The following KCNIP1 variants were observed in gnomAD, a reference collection of about 807,000 sequenced individuals.
The protein encoded by KCNIP1 is potassium voltage-gated channel interacting protein 1.
KCNIP1 carries 18 observed loss-of-function variants against 33.0 expected under a neutral mutation model. The observed-to-expected ratio is 0.55, with a 90% CI of 0.38 to 0.81. The LOEUF (loss-of-function observed/expected upper bound fraction) is 0.81. KCNIP1 is among the 30% of genes least tolerant of loss of function. KCNIP1 has a pLI of 0.00. For synonymous variants in KCNIP1, 93 were observed against 98.3 expected (o/e 0.95, Z 0.32); for missense variants, 238 against 271.6 (o/e 0.88, Z 0.87).
chr5:170,583,904 T>A (rs1210963264), intron 1 of KCNIP1, among the ~76,000 whole-genome samples: 2 of 152,230 alleles, frequency 1.3e-5, no homozygotes, highest in Non-Finnish European at 2.9e-5. Context: ...CATGTGATAC[T>A]TTGATACCAG....
chr5:170,455,190 A>G (rs1370126748), intron 1 of KCNIP1, among the ~76,000 whole-genome samples: 2 of 152,242 alleles, frequency 1.3e-5, no homozygotes, highest in Non-Finnish European at 1.5e-5. Context: ...AGAAAATAGA[A>G]TATTTTAACA....
intron 5 of KCNIP1, among the ~76,000 whole-genome samples, chr5:170,730,018 G>T (rs1764140919): frequency 6.6e-6 from 1 of 152,048 alleles, no homozygotes; most frequent in African/African-American, 2.4e-5. Flanking sequence ...TAATGGAATA[G>T]CCAGTGGCCA....
chr5:170,423,286 T>G (rs1232097865), intron 1 of KCNIP1, among the ~76,000 whole-genome samples: 36 of 78,408 alleles, frequency 4.6e-4, no homozygotes, highest in Non-Finnish European at 2.5e-5. Flanking sequence ...TTTTCTTTCT[T>G]GTTTTTTTTT....
rs61705618 is a variant in KCNIP1 at position 170,461,749 on chromosome 5, CAA to C, written c.88+107797_88+107798del. 2.5e-3 allele frequency among the ~76,000 whole-genome samples: 349 copies of C among 141,992 alleles called. 1 individual carries two copies. Among genetic ancestry groups the C allele is most frequent in the African/African-American group, 3.9e-3 (152 of 38,500 alleles). 93.2% of individuals were successfully genotyped at this position (141,992 alleles called of 152,430 possible). A position where few individuals can be genotyped will look rare whatever the true frequency, so the allele number is the denominator to read the frequency against. ...CGGGCGACAAAACGAGACTCCATCT[CAA>C]AAAAAAAAAAAGGCAAATAGACCAA... On this transcript the variant is annotated intron_variant, in intron 1 of 7. Coordinates refer to the KCNIP1 transcript ENST00000377360.
At chr5:170,604,820 C>A (rs561430407) in intron 1 of KCNIP1, among the ~76,000 whole-genome samples, 1 of 152,204 alleles carries the variant, frequency 6.6e-6, no homozygotes, top group African/African-American at 2.4e-5. Context: ...TTCAGCCCCC[C>A]CAGGAGAGGA....
intron 1 of KCNIP1, among the ~76,000 whole-genome samples, chr5:170,578,209 A>C (rs1021252954): frequency 6.6e-6 from 1 of 152,242 alleles, no homozygotes; most frequent in South Asian, 2.1e-4. Context: ...AGAGGAATCT[A>C]GTAGACAGTA....
Position 170,597,658 on chromosome 5 carries a change from G to A in KCNIP1, c.61+93025G>A, listed in dbSNP as rs563034442. 1.3e-3 allele frequency among the ~76,000 whole-genome samples: 203 copies of A among 151,608 alleles called. 1 individual carries two copies. Among genetic ancestry groups the A allele is most frequent in the African/African-American group, 4.6e-3 (190 of 41,054 alleles). On this transcript the variant is annotated intron_variant, in intron 1 of 7. Coordinates refer to ENST00000328939, the MANE Select transcript of KCNIP1 (RefSeq NM_014592.4). ...GCAGATTCTCCTTGTCAGACAACAC[G>A]GGAGGCAGTGTCATGGCTGATCTAG...
At chr5:170,677,376 G>C (rs1272770116) in intron 1 of KCNIP1, among the ~76,000 whole-genome samples, 1 of 152,172 alleles carries the variant, frequency 6.6e-6, no homozygotes, top group Non-Finnish European at 1.5e-5. Context: ...GGACTGTGCT[G>C]AGCAGTTTAT....
chr5:170,480,555 C>A lies in KCNIP1; in HGVS notation c.88+126591C>A, dbSNP rs187045701. Among the ~76,000 whole-genome samples the A allele has an allele frequency of 2.9e-3, 435 of 150,748 alleles. 2 individuals are homozygous for A. The highest frequency in any genetic ancestry group is 0.01 in the African/African-American group (420 of 41,036). On this transcript the variant is annotated intron_variant, in intron 1 of 7. Coordinates refer to the KCNIP1 transcript ENST00000377360. ...GCAGTGTTGTGATCTCGGCTCACTGCAGCCTCTGCCTCCTGGGTTCAAGAG... is the reference window on the plus strand; with the variant it reads ...GCAGTGTTGTGATCTCGGCTCACTGAAGCCTCTGCCTCCTGGGTTCAAGAG...
intron 1 of KCNIP1, among the ~76,000 whole-genome samples, chr5:170,434,518 G>A (rs927647397): frequency 8.5e-5 from 13 of 152,172 alleles, no homozygotes; most frequent in African/African-American, 3.1e-4. Context: ...ACTCAGGTTG[G>A]AGGTAGGATG....
upstream of KCNIP1, among the ~76,000 whole-genome samples, chr5:170,501,404 G>A (rs1426769233): frequency 2.0e-5 from 3 of 152,202 alleles, no homozygotes; most frequent in Non-Finnish European, 4.4e-5. Flanking sequence ...AGGGGTCAGG[G>A]AGGATTTGTA....
chr5:170,705,117 A>G (rs889474654), intron 1 of KCNIP1, among the ~76,000 whole-genome samples: 1 of 152,216 alleles, frequency 6.6e-6, no homozygotes, highest in Non-Finnish European at 1.5e-5. Context: ...AATATGCCCA[A>G]TTGTGATGTA....
rs565635872 is a variant in KCNIP1 at position 170,735,706 on chromosome 5, C to A, written c.604-53C>A. On this transcript the variant is annotated intron_variant, in intron 7 of 7. Coordinates refer to ENST00000328939, the MANE Select transcript of KCNIP1 (RefSeq NM_014592.4). ...ACATTTGCTCACCAGAGTTACAGAG[C>A]TCTCAGGGAGGAGACTCAGAGTTCT... is the stretch of plus-strand genomic sequence containing the variant. 4.8e-6 allele frequency: 7 copies of A among 1,471,992 alleles called. No homozygotes were observed. In the Admixed American group the frequency reaches 5.0e-5, roughly 11 times the overall value. 91.2% of individuals were successfully genotyped at this position (1,471,992 alleles called of 1,614,324 possible).
intron 1 of KCNIP1, among the ~76,000 whole-genome samples, chr5:170,393,067 C>T (rs1468881704): frequency 6.6e-6 from 1 of 152,170 alleles, no homozygotes; most frequent in Non-Finnish European, 1.5e-5. Context: ...AAGTGATTTT[C>T]CCAAGGTCAC....
rs1260006180 is a variant in KCNIP1, at chr5:170,637,421, G to A, written c.62-81337G>A. Among the ~76,000 whole-genome samples, 10 of 152,078 alleles carry A rather than the reference G, an allele frequency of 6.6e-5. No homozygotes were observed. In the South Asian group the frequency reaches 1.0e-3, roughly 16 times the overall value. On this transcript the variant is annotated intron_variant, in intron 1 of 7. Transcript: ENST00000328939. ...CAGCAGACAAAGGGGTGCTGTACAC[G>A]CCTCTGCACAGAACCCCTCCAATGC... is the stretch of plus-strand genomic sequence containing the variant.
At chr5:170,578,687 G>C (rs924397358) in intron 1 of KCNIP1, among the ~76,000 whole-genome samples, 4 of 152,194 alleles carry the variant, frequency 2.6e-5, no homozygotes, top group Non-Finnish European at 4.4e-5. Flanking sequence ...AAAGTTAAAG[G>C]AGATGGACAA....
chr5:170,659,347 C>T (rs1186924320), intron 1 of KCNIP1, among the ~76,000 whole-genome samples: 2 of 152,154 alleles, frequency 1.3e-5, no homozygotes, highest in Non-Finnish European at 2.9e-5. Flanking sequence ...GGACATACTT[C>T]AGAGGGACTA....
chr5:170,418,936 AT>A (rs2113422733), intron 1 of KCNIP1, among the ~76,000 whole-genome samples: 1 of 152,136 alleles, frequency 6.6e-6, no homozygotes, highest in African/African-American at 2.4e-5. Flanking sequence ...GGAAGCTATC[AT>A]TTTTCACGTG....
chr5:170,526,407 G>A lies in KCNIP1; in HGVS notation c.61+21774G>A, dbSNP rs77849675. On this transcript the variant is annotated intron_variant, in intron 1 of 7. Coordinates refer to ENST00000328939, the MANE Select transcript of KCNIP1 (RefSeq NM_014592.4). ...GGGTGGATTCGAACTCAGGCCTGTC[G>A]GGTTCCAGTCTGGGCTTTTCTGCTC... Among the ~76,000 whole-genome samples the A allele has an allele frequency of 1.9e-3, 289 of 152,268 alleles. 9 individuals carry two copies. The East Asian group carries it at 0.046, about 24-fold the overall frequency.
Sources: allele counts gnomAD v4.1 joint callset (sites outside exome capture counted in the v4.1 genomes callset), GRCh38; gene constraint gnomAD v4.1.1; transcripts MANE v1.5; gene names NCBI Gene and HGNC (gene_info 2026-07-23, HGNC 2026-07-21).